Variants in ZC4H2 observed in about 807,000 individuals in gnomAD.
ZC4H2 encodes zinc finger C4H2-type containing.
For synonymous variants in ZC4H2, 84 were observed against 66.3 expected, an observed-to-expected ratio of 1.27 and a Z score of -1.30; for missense variants, 137 against 173.9, an observed-to-expected ratio of 0.79 and a Z score of 1.19.
chrX:65,023,216 G>A (rs1467550340), intron 1 of ZC4H2, among the ~76,000 whole-genome samples: 1 of 111,881 alleles, frequency 8.9e-6, no homozygotes, highest in East Asian at 2.8e-4. Context: ...GTAGTCCTGA[G>A]ACTTTGCTGA....
chrX:64,976,781 C>T (rs1372811248), upstream of ZC4H2, among the ~76,000 whole-genome samples: 1 of 111,283 alleles, frequency 9.0e-6, no homozygotes, highest in African/African-American at 3.3e-5. Flanking sequence ...CGGGGGCCCT[C>T]GCACCTACCC....
At chrX:64,960,037 G>A (rs1374586083) in intron 1 of ZC4H2, among the ~76,000 whole-genome samples, 1 of 110,975 alleles carries the variant, frequency 9.0e-6, no homozygotes, top group Non-Finnish European at 1.9e-5. Context: ...TGAAAAAATA[G>A]CACTTAAGTC....
At chrX:64,976,997 G>T (rs1931971334), upstream of ZC4H2, among the ~76,000 whole-genome samples, 1 of 110,624 alleles carries the variant, frequency 9.0e-6, no homozygotes, top group Non-Finnish European at 1.9e-5. Context: ...AGGAGAGTGG[G>T]TAAGTACTTC....
intron 1 of ZC4H2, among the ~76,000 whole-genome samples, chrX:64,930,345 T>C (rs759506459): frequency 5.4e-5 from 6 of 111,920 alleles, no homozygotes; most frequent in Non-Finnish European, 9.4e-5. Context: ...CTTTTCCAAT[T>C]TGGATGCTCT....
intron 1 of ZC4H2, among the ~76,000 whole-genome samples, chrX:64,962,003 C>G (rs887025947): frequency 9.0e-6 from 1 of 111,268 alleles, no homozygotes; most frequent in South Asian, 3.8e-4. Context: ...AGAGTTAATG[C>G]CAATCCTTTT....
chrX:64,987,998 C>A (rs1932225590), intron 1 of ZC4H2, among the ~76,000 whole-genome samples: 1 of 104,548 alleles, frequency 9.6e-6, no homozygotes, highest in Non-Finnish European at 1.9e-5. Flanking sequence ...GGTTTTCTGT[C>A]CTTGCGGTAG....
intron 4 of ZC4H2, 97 bp downstream of exon 4, chrX:64,918,945 C>A: frequency 9.6e-7 from 1 of 1,043,823 alleles, no homozygotes; most frequent in African/African-American, 1.9e-5. Flanking sequence ...AAAGAAGGCC[C>A]AGCATAAATA....
rs141637809 is a variant in ZC4H2 at position 64,966,554 on chromosome X, C to T, written c.53+9771G>A. On this transcript the variant is annotated intron_variant, in intron 1 of 4. Coordinates refer to ENST00000374839, the MANE Select transcript of ZC4H2 (RefSeq NM_018684.4). ...CAAAACAGTGGAAATAACTGAAATG[C>T]TCCTCAACTTGTGAGTGAACACCCA... Among the ~76,000 whole-genome samples, 962 of 112,396 alleles carry T rather than the reference C, an allele frequency of 8.6e-3. 11 individuals are homozygous for T. The highest frequency in any genetic ancestry group is 0.044 in the Admixed American group (467 of 10,626).
Position 64,942,863 on chromosome X carries a change from G to C in ZC4H2, c.54-20875C>G, listed in dbSNP as rs765937163. On this transcript the variant is annotated intron_variant, in intron 1 of 4. Coordinates refer to ENST00000374839, the MANE Select transcript of ZC4H2 (RefSeq NM_018684.4). Reference sequence around the variant, plus strand: ...ATATACCCAGTAATGGGATTGCTGGGTCAGATGGTATTTCTAATTAGATCC... The same window carrying C: ...ATATACCCAGTAATGGGATTGCTGGCTCAGATGGTATTTCTAATTAGATCC... Among the ~76,000 whole-genome samples, 18 of 111,865 alleles carry C rather than the reference G, an allele frequency of 1.6e-4. No individual in the cohort carries two copies. In the South Asian group the frequency reaches 5.3e-3, roughly 33 times the overall value.
At chrX:64,975,044 A>C (rs1327841302) in intron 1 of ZC4H2, among the ~76,000 whole-genome samples, 1 of 109,046 alleles carries the variant, frequency 9.2e-6, no homozygotes, top group Non-Finnish European at 1.9e-5. Flanking sequence ...CCTGGGACAT[A>C]GTGGGAAAAG....
At chrX:64,999,056 T>G (rs1242674541) in intron 1 of ZC4H2, among the ~76,000 whole-genome samples, 1 of 98,101 alleles carries the variant, frequency 1.0e-5, no homozygotes, top group Non-Finnish European at 2.0e-5. Context: ...TTTTTTTTTT[T>G]TTTTTTTTTT....
intron 1 of ZC4H2, among the ~76,000 whole-genome samples, chrX:64,945,612 A>T (rs985250484): frequency 7.2e-5 from 8 of 111,416 alleles, no homozygotes; most frequent in African/African-American, 2.6e-4. Flanking sequence ...TAGCACTCTG[A>T]TGGGAGATCC....
chrX:65,003,619 T>G (rs1932596792), intron 1 of ZC4H2, among the ~76,000 whole-genome samples: 2 of 111,396 alleles, frequency 1.8e-5, no homozygotes, highest in Admixed American at 1.9e-4. Flanking sequence ...GGCTCATGCC[T>G]GTAATCCCAG....
intron 4 of ZC4H2, 23 bp from the exon 5 acceptor site, chrX:64,917,919 G>T (rs747855081): frequency 1.7e-6 from 2 of 1,193,563 alleles, no homozygotes; most frequent in Admixed American, 2.3e-5. Context: ...ACAGGAAAAA[G>T]AAAGTTAGTA....
chrX:64,976,881 G>A (rs1332565706), upstream of ZC4H2, among the ~76,000 whole-genome samples: 2 of 103,908 alleles, frequency 1.9e-5, no homozygotes, highest in Admixed American at 2.1e-4. Context: ...CGTTGAATGT[G>A]CTAGCTGCTG....
upstream of ZC4H2, among the ~76,000 whole-genome samples, chrX:64,979,804 G>A (rs757819602): frequency 1.9e-5 from 2 of 108,047 alleles, no homozygotes; most frequent in South Asian, 3.8e-4. Flanking sequence ...TTGATTTGAG[G>A]GGTTAGAAAT....
At chrX:64,920,770 A>C (rs1427808719) in intron 2 of ZC4H2, among the ~76,000 whole-genome samples, 1 of 112,455 alleles carries the variant, frequency 8.9e-6, no homozygotes, top group Non-Finnish European at 1.9e-5. Context: ...GATCAGCAGC[A>C]TCAGCATCAC....
At chrX:65,003,892 T>A (rs750951255) in intron 1 of ZC4H2, among the ~76,000 whole-genome samples, 13 of 106,963 alleles carry the variant, frequency 1.2e-4, no homozygotes, top group Middle Eastern at 4.7e-3. Flanking sequence ...AAAAAAAAAA[T>A]TATAAACGGG....
At position 65,003,217 on chromosome X, in the gene ZC4H2, A is replaced by G. The variant is rs770720015; in HGVS notation, c.-272+31412T>C. ...AATAACGAAATTAAGGCAGAAATAA[A>G]TAAGTACTTTGAAACCAATGAGAAC... is the stretch of plus-strand genomic sequence containing the variant. On this transcript the variant is annotated intron_variant, in intron 1 of 4. Coordinates refer to the ZC4H2 transcript ENST00000337990. 1.4e-3 allele frequency among the ~76,000 whole-genome samples: 155 copies of G among 111,651 alleles called. 1 individual carries two copies. The highest frequency in any genetic ancestry group is 4.9e-3 in the African/African-American group (152 of 30,774).
Sources: gnomAD v4.1 joint callset for allele counts (sites outside exome capture counted in the v4.1 genomes callset) on GRCh38, gnomAD v4.1.1 for gene constraint, MANE v1.5 for transcripts, NCBI Gene and HGNC (gene_info 2026-07-23, HGNC 2026-07-21) for gene names.